The following SLC44A5 variants were observed in gnomAD, a reference collection of about 807,000 sequenced individuals.
SLC44A5 encodes the protein choline transporter-like protein 5.
A neutral mutation model predicts 101.8 loss-of-function variants in SLC44A5; 57 were observed. The observed-to-expected ratio is 0.56, with a 90% CI of 0.45 to 0.70. The LOEUF (loss-of-function observed/expected upper bound fraction) is 0.70. Among genes scored for constraint, SLC44A5 ranks in the 30% least tolerant of loss-of-function variants. The probability of loss-of-function intolerance (pLI) is 0.00; values close to 1 mark genes in which losing one functional copy is unlikely to be tolerated. For synonymous variants in SLC44A5, 281 were observed against 290.9 expected (o/e 0.97, Z 0.35); for missense variants, 737 against 853.1 (o/e 0.86, Z 1.70).
intron 3 of SLC44A5, among the ~76,000 whole-genome samples, chr1:75,345,235 C>T (rs932083122): frequency 1.3e-5 from 2 of 151,960 alleles, no homozygotes; most frequent in African/African-American, 4.8e-5. Context: ...AATGTCAAGG[C>T]AAGTAGAAGC....
chr1:75,571,581 CT>C (rs1290292681), intron 1 of SLC44A5, among the ~76,000 whole-genome samples: 3 of 152,174 alleles, frequency 2.0e-5, no homozygotes, highest in Admixed American at 6.5e-5. Context: ...ATATTCAATA[CT>C]TTTTTATAAA....
intron 19 of SLC44A5, among the ~76,000 whole-genome samples, chr1:75,215,279 A>T (rs1447606617): frequency 6.6e-6 from 1 of 152,154 alleles, no homozygotes. Context: ...AATATTTAGG[A>T]ATTTCCATAT....
At chr1:75,594,601 T>A (rs1674533345) in intron 1 of SLC44A5, among the ~76,000 whole-genome samples, 1 of 152,022 alleles carries the variant, frequency 6.6e-6, no homozygotes, top group African/African-American at 2.4e-5. Flanking sequence ...AAGTGATATG[T>A]AAATTGATAA....
intron 3 of SLC44A5, among the ~76,000 whole-genome samples, chr1:75,389,473 T>G (rs1003905749): frequency 4.6e-5 from 7 of 152,314 alleles, no homozygotes; most frequent in African/African-American, 1.7e-4. Flanking sequence ...ACTAGACATA[T>G]TCTCAGACCA....
intron 3 of SLC44A5, among the ~76,000 whole-genome samples, chr1:75,389,935 G>GA (rs1295047923): frequency 6.6e-6 from 1 of 151,720 alleles, no homozygotes; most frequent in Middle Eastern, 3.2e-3. Context: ...GATTAAAAAA[G>GA]AAAAAAAGAG....
the SLC44A5 span, chr1:75,710,204 A>G: frequency 6.6e-6 from 1 of 152,170 alleles, no homozygotes; most frequent in Non-Finnish European, 1.5e-5. Context: ...AACTCATTCA[A>G]GTTGTTCAAG....
intron 5 of SLC44A5, among the ~76,000 whole-genome samples, chr1:75,282,111 C>T (rs1466392211): frequency 6.6e-6 from 1 of 152,220 alleles, no homozygotes; most frequent in Non-Finnish European, 1.5e-5. Flanking sequence ...GGGCTGTACT[C>T]TGCCAAGTCA....
intron 2 of SLC44A5, among the ~76,000 whole-genome samples, chr1:75,454,893 C>A (rs953194452): frequency 2.0e-5 from 3 of 151,746 alleles, no homozygotes; most frequent in African/African-American, 7.3e-5. Flanking sequence ...AGATATGATG[C>A]AAAAACATTC....
At chr1:75,283,017 T>C (rs1288239720) in intron 5 of SLC44A5, among the ~76,000 whole-genome samples, 1 of 152,212 alleles carries the variant, frequency 6.6e-6, no homozygotes, top group African/African-American at 2.4e-5. Context: ...TCTGGGTAGA[T>C]ACCCAGTAGA....
At chr1:75,647,890 T>C in the SLC44A5 span, among the ~76,000 whole-genome samples, 1 of 152,340 alleles carries the variant, frequency 6.6e-6, no homozygotes, top group East Asian at 1.9e-4. Flanking sequence ...TTGTCTCAGA[T>C]GATACTTTGG....
intron 1 of SLC44A5, among the ~76,000 whole-genome samples, chr1:75,605,156 A>C (rs1675248515): frequency 6.6e-6 from 1 of 152,066 alleles, no homozygotes; most frequent in Non-Finnish European, 1.5e-5. Flanking sequence ...AATCCAGAGA[A>C]CTAGCAAATT....
At chr1:75,397,720 C>T (rs559861730) in intron 2 of SLC44A5, among the ~76,000 whole-genome samples, 1 of 152,204 alleles carries the variant, frequency 6.6e-6, no homozygotes, top group Admixed American at 6.5e-5. Flanking sequence ...TGGGTCTAAT[C>T]TTTGTTTAAA....
intron 1 of SLC44A5, among the ~76,000 whole-genome samples, chr1:75,601,602 T>G (rs780658909): frequency 3.9e-5 from 6 of 152,054 alleles, no homozygotes; most frequent in Non-Finnish European, 7.4e-5. Flanking sequence ...GCCAATATTA[T>G]AACAGGTAAG....
chr1:75,410,974 G>C (rs1663238622), intron 2 of SLC44A5, among the ~76,000 whole-genome samples: 1 of 152,060 alleles, frequency 6.6e-6, no homozygotes, highest in African/African-American at 2.4e-5. Context: ...TCTTGAGGTA[G>C]TGATAGTGCA....
chr1:75,227,677 A>G, intron 13 of SLC44A5, 49 bp downstream of exon 13: 1 of 1,467,696 alleles, frequency 6.8e-7, no homozygotes, highest in African/African-American at 1.5e-5. Context: ...GCAAAAAGAT[A>G]TTTTCTCATT....
chr1:75,688,375 C>G, the SLC44A5 span, among the ~76,000 whole-genome samples: 3 of 152,204 alleles, frequency 2.0e-5, no homozygotes, highest in East Asian at 5.8e-4. Context: ...CCTCATACTT[C>G]ACACAAAAGC....
At chr1:75,599,020 A>G (rs1250977578) in intron 1 of SLC44A5, among the ~76,000 whole-genome samples, 2 of 152,224 alleles carry the variant, frequency 1.3e-5, no homozygotes, top group African/African-American at 2.4e-5. Flanking sequence ...TATGCCAGTT[A>G]TGCTAAATTA....
At chr1:75,696,622 G>A in the SLC44A5 span, among the ~76,000 whole-genome samples, 3 of 152,184 alleles carry the variant, frequency 2.0e-5, no homozygotes, top group African/African-American at 7.2e-5. Context: ...TCGGCCAGGT[G>A]CGGTGGCTCA....
chr1:75,613,531 CCTT>C (rs1675745190), upstream of SLC44A5, among the ~76,000 whole-genome samples: 4 of 152,194 alleles, frequency 2.6e-5, no homozygotes, highest in South Asian at 4.1e-4. Flanking sequence ...TTAAAGGTGT[CCTT>C]CTTTCTGTGA....
Sources: allele counts gnomAD v4.1 joint callset (sites outside exome capture counted in the v4.1 genomes callset), GRCh38; gene constraint gnomAD v4.1.1; transcripts MANE v1.5; gene names NCBI Gene and HGNC (gene_info 2026-07-23, HGNC 2026-07-21).